The following KCNG2 variants were observed in gnomAD, a reference collection of about 807,000 sequenced individuals.
KCNG2 encodes the protein voltage-gated potassium channel regulatory subunit KCNG2.
KCNG2 carries 7 observed loss-of-function variants against 12.3 expected under a neutral mutation model. The ratio of observed to expected loss-of-function variants is 0.57; its 90% confidence interval spans 0.32 to 1.07. The LOEUF (loss-of-function observed/expected upper bound fraction) is 1.07, where lower values mean the gene tolerates loss of function less well. Among genes scored for constraint, KCNG2 ranks in the 50% least tolerant of loss-of-function variants. The probability of loss-of-function intolerance (pLI) is 0.04; values close to 1 mark genes in which losing one functional copy is unlikely to be tolerated. For synonymous variants in KCNG2, 414 were observed against 351.4 expected, an observed-to-expected ratio of 1.18 and a Z score of -1.99; for missense variants, 703 against 726.0, an observed-to-expected ratio of 0.97 and a Z score of 0.36.
intron 1 of KCNG2, among the ~76,000 whole-genome samples, chr18:79,829,464 C>T (rs1018655862): frequency 2.0e-5 from 3 of 152,184 alleles, no homozygotes; most frequent in African/African-American, 7.2e-5. Flanking sequence ...AGTCAAGTAG[C>T]TGGTCAGCCT....
At chr18:79,855,585 G>C (rs2123054636) in intron 1 of KCNG2, among the ~76,000 whole-genome samples, 1 of 152,084 alleles carries the variant, frequency 6.6e-6, no homozygotes, top group East Asian at 1.9e-4. Flanking sequence ...TGCATGCTAG[G>C]CTCGTAGACA....
intron 1 of KCNG2, among the ~76,000 whole-genome samples, chr18:79,849,856 G>C (rs1380759575): frequency 6.7e-6 from 1 of 150,004 alleles, no homozygotes; most frequent in Non-Finnish European, 1.5e-5. Context: ...TGGTTTAGTG[G>C]GAGGAACCCG....
At chr18:79,818,545 G>C (rs2087547157) in intron 1 of KCNG2, among the ~76,000 whole-genome samples, 1 of 152,164 alleles carries the variant, frequency 6.6e-6, no homozygotes, top group Non-Finnish European at 1.5e-5. Context: ...ATTTTTAGAA[G>C]TCTGTCACAG....
chr18:79,868,003 G>T (rs1236471808), intron 3 of KCNG2, among the ~76,000 whole-genome samples: 1 of 152,202 alleles, frequency 6.6e-6, no homozygotes, highest in Admixed American at 6.5e-5. Flanking sequence ...GGTGTCTGGC[G>T]GCCAGGCTGC....
chr18:79,820,491 G>A (rs1794292334), intron 1 of KCNG2, among the ~76,000 whole-genome samples: 1 of 152,086 alleles, frequency 6.6e-6, no homozygotes, highest in South Asian at 2.1e-4. Context: ...CAGCCATCCT[G>A]GCAGATGTGA....
chr18:79,882,107 G>A (rs888183917), intron 3 of KCNG2, among the ~76,000 whole-genome samples: 2 of 152,240 alleles, frequency 1.3e-5, no homozygotes, highest in African/African-American at 4.8e-5. Flanking sequence ...ACTTGTAGAA[G>A]AAAACATAGA....
intron 2 of KCNG2, among the ~76,000 whole-genome samples, chr18:79,858,233 C>T (rs1599398210): frequency 6.6e-6 from 1 of 152,246 alleles, no homozygotes; most frequent in East Asian, 1.9e-4. Flanking sequence ...AACTCCTGAC[C>T]TCAAGTGATC....
chr18:79,843,845 A>G (rs1018858933), intron 1 of KCNG2, among the ~76,000 whole-genome samples: 1 of 152,240 alleles, frequency 6.6e-6, no homozygotes, highest in Non-Finnish European at 1.5e-5. Context: ...AGTTGAGAAC[A>G]ATTAACAAAA....
intron 3 of KCNG2, among the ~76,000 whole-genome samples, chr18:79,872,967 C>T (rs888262098): frequency 1.7e-4 from 26 of 152,288 alleles, no homozygotes; most frequent in African/African-American, 6.3e-4. Context: ...CGGGAGCCGG[C>T]GTGTGCTGTC....
chr18:79,873,192 C>T (rs1979920462), intron 3 of KCNG2, among the ~76,000 whole-genome samples: 1 of 152,168 alleles, frequency 6.6e-6, no homozygotes, highest in Non-Finnish European at 1.5e-5. Context: ...GGCTTGAGGC[C>T]CTCTCGGGGG....
chr18:79,825,428 C>T (rs1045607902), intron 1 of KCNG2, among the ~76,000 whole-genome samples: 1 of 152,244 alleles, frequency 6.6e-6, no homozygotes, highest in Non-Finnish European at 1.5e-5. Context: ...CGTCAGTTTA[C>T]GAAGAATGCG....
chr18:79,888,970 C>T (rs1018418690), intron 3 of KCNG2, among the ~76,000 whole-genome samples: 7 of 152,156 alleles, frequency 4.6e-5, no homozygotes, highest in Non-Finnish European at 1.0e-4. Context: ...TGAGCCACCA[C>T]GCTGGCCCTC....
chr18:79,870,798 T>TGGTA (rs1384252570), intron 3 of KCNG2, among the ~76,000 whole-genome samples: 1 of 152,232 alleles, frequency 6.6e-6, no homozygotes, highest in Non-Finnish European at 1.5e-5. Flanking sequence ...CTTTAAAAGC[T>TGGTA]GGTAGCCAAG....
At chr18:79,880,249 T>C (rs1488617968) in intron 3 of KCNG2, among the ~76,000 whole-genome samples, 1 of 146,306 alleles carries the variant, frequency 6.8e-6, no homozygotes, top group Non-Finnish European at 1.5e-5. Context: ...GGGTTGGTTT[T>C]GAATATCACA....
At chr18:79,814,673 AC>A (rs1440183684) in intron 1 of KCNG2, among the ~76,000 whole-genome samples, 4 of 152,236 alleles carry the variant, frequency 2.6e-5, no homozygotes, top group Non-Finnish European at 5.9e-5. Context: ...GCAAGAGGCC[AC>A]CATTGGCGGA....
chr18:79,829,905 A>C (rs1390215692), intron 1 of KCNG2, among the ~76,000 whole-genome samples: 1 of 152,196 alleles, frequency 6.6e-6, no homozygotes, highest in African/African-American at 2.4e-5. Flanking sequence ...GATAAGAAAA[A>C]GGTACCAATT....
intron 1 of KCNG2, among the ~76,000 whole-genome samples, chr18:79,840,484 C>A (rs1442994215): frequency 6.6e-6 from 1 of 152,088 alleles, no homozygotes; most frequent in East Asian, 1.9e-4. Flanking sequence ...AGAGATGTAT[C>A]ATGTTCATTT....
At chr18:79,878,683 A>G (rs763095841) in intron 3 of KCNG2, among the ~76,000 whole-genome samples, 3 of 152,220 alleles carry the variant, frequency 2.0e-5, no homozygotes, top group Non-Finnish European at 4.4e-5. Flanking sequence ...TTGATTAGGT[A>G]ATGGATTGGC....
chr18:79,817,616 C>T (rs752370678), intron 1 of KCNG2, among the ~76,000 whole-genome samples: 3 of 152,198 alleles, frequency 2.0e-5, no homozygotes, highest in Non-Finnish European at 4.4e-5. Context: ...CTGTCACACA[C>T]GCGGGTTGTC....
Sources: gnomAD v4.1 joint callset for allele counts (sites outside exome capture counted in the v4.1 genomes callset) on GRCh38, gnomAD v4.1.1 for gene constraint, MANE v1.5 for transcripts, NCBI Gene and HGNC (gene_info 2026-07-23, HGNC 2026-07-21) for gene names.